CAMK2B: variants seen among roughly 807,000 people sequenced by gnomAD.
The protein encoded by CAMK2B is calcium/calmodulin-dependent protein kinase type II subunit beta.
CAMK2B carries 27 observed loss-of-function variants against 93.7 expected under a neutral mutation model. The ratio of observed to expected loss-of-function variants is 0.29; its 90% CI spans 0.21 to 0.40. The LOEUF (loss-of-function observed/expected upper bound fraction) is 0.40. Ranked by LOEUF, CAMK2B falls within the 10% of genes least tolerant of loss-of-function variation. The pLI, the probability that CAMK2B is intolerant of heterozygous loss-of-function variation, is 1.00. For synonymous variants in CAMK2B, 374 were observed against 358.8 expected, an observed-to-expected ratio of 1.04 and a Z score of -0.48; for missense variants, 568 against 895.8, an observed-to-expected ratio of 0.63 and a Z score of 4.67.
rs2096973019 is a variant in CAMK2B, at chr7:44,271,398, G to C, written c.161-8334C>G. On this transcript the variant is annotated intron_variant, in intron 2 of 23. Transcript: ENST00000395749. This position sits in a 1 kb window ranked among gnomAD's most constrained non-coding sequence, Gnocchi z 4.2. ...GCCAAGCGCAGCCCTGTGTGGCACT[G>C]AGCAGCTCGGCCAGAACCTGATAGG... Among the ~76,000 whole-genome samples, 1 of 152,244 alleles carries C rather than the reference G, an allele frequency of 6.6e-6. No homozygotes were observed. The highest frequency in any genetic ancestry group is 2.4e-5 in the African/African-American group (1 of 41,454).
intron 3 of CAMK2B, among the ~76,000 whole-genome samples, chr7:44,261,132 C>G (rs1054945170): frequency 6.6e-6 from 1 of 152,240 alleles, no homozygotes; most frequent in Non-Finnish European, 1.5e-5. Flanking sequence ...GCCTCTGCGT[C>G]CCTAAGACAT....
chr7:44,270,714 G>A (rs2096966794), intron 2 of CAMK2B, among the ~76,000 whole-genome samples: 1 of 152,166 alleles, frequency 6.6e-6, no homozygotes, highest in Admixed American at 6.5e-5. Context: ...CACTTTGAGG[G>A]CCACAGCACA....
At chr7:44,295,374 G>A (rs1481085333) in intron 1 of CAMK2B, among the ~76,000 whole-genome samples, 1 of 152,224 alleles carries the variant, frequency 6.6e-6, no homozygotes, top group Admixed American at 6.5e-5. Flanking sequence ...GAAAACTTCT[G>A]CCTCCAAAAT....
At chr7:44,317,969 T>A (rs1032906579) in intron 1 of CAMK2B, among the ~76,000 whole-genome samples, 9 of 152,020 alleles carry the variant, frequency 5.9e-5, no homozygotes, top group African/African-American at 2.2e-4. Context: ...ATACCCCATT[T>A]CCCTAGTGTC....
intron 1 of CAMK2B, among the ~76,000 whole-genome samples, chr7:44,300,511 A>C (rs180707642): frequency 2.4e-4 from 36 of 152,300 alleles, no homozygotes; most frequent in Admixed American, 1.9e-3. Flanking sequence ...CAGATTTTAC[A>C]ACCAGGGAAA....
chr7:44,228,494 G>A (rs1293551147), intron 19 of CAMK2B, among the ~76,000 whole-genome samples: 2 of 152,094 alleles, frequency 1.3e-5, no homozygotes, highest in South Asian at 2.1e-4. Flanking sequence ...GCCTCGGAGG[G>A]GCCAGGGCTG....
chr7:44,305,556 T>A (rs1791232641), intron 1 of CAMK2B, among the ~76,000 whole-genome samples: 1 of 152,214 alleles, frequency 6.6e-6, no homozygotes, highest in Non-Finnish European at 1.5e-5. Flanking sequence ...ACAGGTCCCC[T>A]GAGGTGCCCT....
At chr7:44,325,283 G>T in intron 1 of CAMK2B, 74 bp downstream of exon 1, 2 of 868,422 alleles carry the variant, frequency 2.3e-6, no homozygotes, top group South Asian at 4.7e-5. Flanking sequence ...GCCTGGAGCC[G>T]GCGGCGCGGA....
chr7:44,278,562 A>G (rs2097072571), intron 2 of CAMK2B, among the ~76,000 whole-genome samples: 1 of 152,132 alleles, frequency 6.6e-6, no homozygotes, highest in African/African-American at 2.4e-5. Context: ...AGGTCCCCGC[A>G]TGGGGGAGGC....
chr7:44,220,818 G>T lies in CAMK2B; in HGVS notation c.1673+8C>A. On this transcript the variant is annotated splice_region_variant and intron_variant, in intron 21 of 23. Coordinates refer to ENST00000395749, the MANE Select transcript of CAMK2B (RefSeq NM_001220.5). ...CTGCACAGCCCCCCCCCAGCCCCAG[G>T]GACTCACGCGTAGGCCTCAAAGTCA... The T allele has an allele frequency of 6.4e-7, 1 of 1,563,684 alleles. No homozygotes were observed. Among genetic ancestry groups the T allele is most frequent in the Non-Finnish European group, 8.7e-7 (1 of 1,153,212 alleles).
At chr7:44,221,271 C>T (rs1183473146) in intron 20 of CAMK2B, among the ~76,000 whole-genome samples, 1 of 152,234 alleles carries the variant, frequency 6.6e-6, no homozygotes, top group Non-Finnish European at 1.5e-5. Flanking sequence ...CTCCCGTGAG[C>T]CAGCCCCTGG....
intron 13 of CAMK2B, among the ~76,000 whole-genome samples, chr7:44,238,456 C>A (rs555595243): frequency 2.6e-5 from 4 of 152,204 alleles, no homozygotes; most frequent in Admixed American, 2.6e-4. Flanking sequence ...CTCCCGCCTG[C>A]GCTCTGGAAA....
At chr7:44,283,630 C>G (rs1309701979) in intron 2 of CAMK2B, among the ~76,000 whole-genome samples, 1 of 152,258 alleles carries the variant, frequency 6.6e-6, no homozygotes, top group African/African-American at 2.4e-5. Context: ...CGCCAGGACT[C>G]TGCTGTCAGA....
chr7:44,247,385 C>T (rs1466947197), intron 5 of CAMK2B, among the ~76,000 whole-genome samples, 193 bp from the exon 6 acceptor site: 2 of 152,216 alleles, frequency 1.3e-5, no homozygotes, highest in Non-Finnish European at 2.9e-5. Context: ...AACTCTGGCC[C>T]TGGCCCTGCC....
intron 1 of CAMK2B, among the ~76,000 whole-genome samples, chr7:44,320,512 G>T (rs1024107752): frequency 2.6e-5 from 4 of 152,318 alleles, no homozygotes; most frequent in Admixed American, 2.6e-4. Flanking sequence ...GATGATTACA[G>T]TACCTACTTC....
At chr7:44,228,957 GCAGA>G (rs767499732) in intron 18 of CAMK2B, 33 bp from the exon 19 acceptor site, 1 of 1,602,580 alleles carries the variant, frequency 6.2e-7, no homozygotes, top group South Asian at 1.1e-5. Context: ...TGAACATGAG[GCAGA>G]CAGACACACG....
At chr7:44,272,412 C>T (rs771512565) in intron 2 of CAMK2B, among the ~76,000 whole-genome samples, 2 of 152,184 alleles carry the variant, frequency 1.3e-5, no homozygotes, top group African/African-American at 2.4e-5. Flanking sequence ...TGGGCAGCCC[C>T]GGGAGGCTGA....
intron 1 of CAMK2B, among the ~76,000 whole-genome samples, chr7:44,310,009 C>T (rs1318604945): frequency 1.3e-5 from 2 of 152,168 alleles, no homozygotes; most frequent in African/African-American, 4.8e-5. Flanking sequence ...GAGCCGTGGG[C>T]GCCACCGCCA....
chr7:44,278,136 G>A (rs1309402995), intron 2 of CAMK2B, among the ~76,000 whole-genome samples: 1 of 152,204 alleles, frequency 6.6e-6, no homozygotes, highest in Admixed American at 6.5e-5. Context: ...CAGGGTGGCA[G>A]GCTGCCCGTG....
Sources: gnomAD v4.1 joint callset for allele counts (sites outside exome capture counted in the v4.1 genomes callset) on GRCh38, gnomAD v4.1.1 for gene constraint, Gnocchi (gnomAD v3.1) non-coding constraint, MANE v1.5 for transcripts, NCBI Gene and HGNC (gene_info 2026-07-23, HGNC 2026-07-21) for gene names.